BMPR2: variants seen among roughly 807,000 people sequenced by gnomAD.
BMPR2 encodes bone morphogenetic protein receptor type 2, also known as bone morphogenetic protein receptor type-2.
In BMPR2, 29 loss-of-function variants were observed where a neutral mutation model predicts 100.8. That is an observed-to-expected ratio of 0.29 (90% CI 0.21 to 0.39). BMPR2 has a LOEUF of 0.39. BMPR2 is among the 10% of genes least tolerant of loss of function. The pLI, the probability that BMPR2 is intolerant of heterozygous loss-of-function variation, is 1.00. For missense variants in BMPR2, 1,011 were observed against 1,274.5 expected (o/e 0.79, Z 3.15); for synonymous variants, 382 against 442.3 (o/e 0.86, Z 1.71).
At chr2:202,522,152 C>A (rs1553509141) in intron 7 of BMPR2, among the ~76,000 whole-genome samples, 1 of 151,274 alleles carries the variant, frequency 6.6e-6, no homozygotes, top group Non-Finnish European at 1.5e-5. Context: ...GAGTGAGACC[C>A]TGTCTCAAAA....
At chr2:202,464,412 T>TAA (rs1692279373) in intron 1 of BMPR2, among the ~76,000 whole-genome samples, 1 of 152,170 alleles carries the variant, frequency 6.6e-6, no homozygotes. Context: ...CTATAAAATA[T>TAA]GATAAAAGTA....
chr2:202,538,809 A>T (rs1688213795), intron 9 of BMPR2, among the ~76,000 whole-genome samples: 1 of 151,894 alleles, frequency 6.6e-6, no homozygotes, highest in Admixed American at 6.6e-5. Context: ...AAAAAAAAAA[A>T]AAAAAAGTGA....
chr2:202,399,154 A>G (rs1385132909), intron 1 of BMPR2, among the ~76,000 whole-genome samples: 1 of 152,166 alleles, frequency 6.6e-6, no homozygotes, highest in Non-Finnish European at 1.5e-5. Flanking sequence ...CAGATCATAA[A>G]TAAGTAGATA....
rs531923739 is a variant in BMPR2 at position 202,531,307 on chromosome 2, A to G, written c.1128+353A>G. ...GACAGAGTGAGTGAGACTCAGGACA[A>G]TTATCCTCATATACTGCCAATTATA... On this transcript the variant is annotated intron_variant, in intron 8 of 12. Coordinates refer to ENST00000374580, the MANE Select transcript of BMPR2 (RefSeq NM_001204.7). Among the ~76,000 whole-genome samples the G allele has an allele frequency of 9.0e-4, 137 of 152,334 alleles. 1 individual carries two copies. The highest frequency in any genetic ancestry group is 3.1e-3 in the African/African-American group (129 of 41,578).
At chr2:202,451,117 GA>G (rs1691969865) in intron 1 of BMPR2, among the ~76,000 whole-genome samples, 1 of 152,096 alleles carries the variant, frequency 6.6e-6, no homozygotes. Flanking sequence ...TACAACTACT[GA>G]AAAATGGGTG....
intron 2 of BMPR2, among the ~76,000 whole-genome samples, chr2:202,466,811 A>G (rs13427584): frequency 6.8e-6 from 1 of 146,146 alleles, no homozygotes; most frequent in African/African-American, 2.5e-5. Context: ...TTGCCCAGGC[A>G]GGTCTCAAAT....
At position 202,503,381 on chromosome 2, in the gene BMPR2, A is replaced by G. The variant is rs1687444298; in HGVS notation, c.419-10338A>G. ...TCCCTCAGCTTGCAGGGAGGTGTGG[A>G]GGGAGAGGCGCAAGCAGGAACCGGG... is the stretch of plus-strand genomic sequence containing the variant. On this transcript the variant is annotated intron_variant, in intron 3 of 12. Coordinates refer to ENST00000374580, the MANE Select transcript of BMPR2 (RefSeq NM_001204.7). The surrounding 1 kb of genome is among the most constrained non-coding windows in gnomAD (Gnocchi z 4.0). Among the ~76,000 whole-genome samples, 2 of 152,176 alleles carry G rather than the reference A, an allele frequency of 1.3e-5. No individual in the cohort carries two copies. Among genetic ancestry groups the G allele is most frequent in the Non-Finnish European group, 1.5e-5 (1 of 68,014 alleles).
intron 1 of BMPR2, among the ~76,000 whole-genome samples, chr2:202,462,853 A>T (rs1410790841): frequency 6.6e-6 from 1 of 152,040 alleles, no homozygotes; most frequent in Non-Finnish European, 1.5e-5. Flanking sequence ...CTGGGATTAC[A>T]GGCGTACACC....
intron 1 of BMPR2, among the ~76,000 whole-genome samples, chr2:202,464,415 TAAAAG>T (rs988345001): frequency 1.6e-4 from 24 of 152,190 alleles, no homozygotes; most frequent in Admixed American, 3.3e-4. Flanking sequence ...TAAAATATGA[TAAAAG>T]TAAGTACTAT....
intron 3 of BMPR2, among the ~76,000 whole-genome samples, chr2:202,482,451 G>A (rs1416008002): frequency 6.6e-6 from 1 of 152,066 alleles, no homozygotes; most frequent in African/African-American, 2.4e-5. Context: ...ATAGCTCACT[G>A]TAACCTTGAA....
chr2:202,432,545 G>A (rs565811140), intron 1 of BMPR2, among the ~76,000 whole-genome samples: 18 of 150,318 alleles, frequency 1.2e-4, no homozygotes, highest in African/African-American at 3.8e-4. Context: ...GAATCATCTG[G>A]CACAAAATGC....
At chr2:202,440,792 CGGGGAGACCGGGGAGACT>C (rs1404047187) in intron 1 of BMPR2, among the ~76,000 whole-genome samples, 2 of 150,086 alleles carry the variant, frequency 1.3e-5, no homozygotes, top group Non-Finnish European at 2.9e-5. Context: ...CCGGGGAGAC[CGGGGAGACCGGGGAGACT>C]GGGGAGAGGG....
chr2:202,467,735 AT>A (rs1169010429), intron 3 of BMPR2, 46 bp downstream of exon 3: 10 of 1,554,648 alleles, frequency 6.4e-6, no homozygotes, highest in Non-Finnish European at 8.9e-6. Context: ...TTCTCCAAAG[AT>A]TTGCAAAATA....
intron 1 of BMPR2, among the ~76,000 whole-genome samples, chr2:202,388,645 G>A (rs1472237728): frequency 6.6e-6 from 1 of 151,618 alleles, no homozygotes; most frequent in African/African-American, 2.4e-5. Context: ...AGAATTAGTT[G>A]GGCATGGTGG....
chr2:202,446,176 G>A (rs1459558207), intron 1 of BMPR2, among the ~76,000 whole-genome samples: 5 of 150,466 alleles, frequency 3.3e-5, no homozygotes, highest in African/African-American at 1.0e-4. Context: ...TGAGGTGGGC[G>A]GATCCCCTGA....
intron 10 of BMPR2, among the ~76,000 whole-genome samples, chr2:202,548,633 C>CTGG (rs1688417981): frequency 6.6e-6 from 1 of 152,040 alleles, no homozygotes; most frequent in Admixed American, 6.6e-5. Context: ...ATCCAACTTA[C>CTGG]GTTTTCCTTC....
In BMPR2 at chr2:202,556,485, T is replaced by C; in HGVS notation, c.2820T>C (p.Ser940=). 10 of 1,614,012 alleles carry C rather than the reference T, an allele frequency of 6.2e-6. No homozygotes were observed. The highest frequency in any genetic ancestry group is 8.5e-6 in the Non-Finnish European group (10 of 1,180,038). ...SKPRRAQRPN[S]LDLSATNVLD... ...CCAGAAGAGCACAGAGGCCTAATTC[T>C]CTGGATCTTTCAGCCACAAATGTCC... The change falls in exon 12 of 13, where the codon TCT becomes TCC. Residue 940 remains serine (S), a synonymous_variant. Coordinates refer to ENST00000374580, the MANE Select transcript of BMPR2 (RefSeq NM_001204.7).
At position 202,552,709 on chromosome 2, in the gene BMPR2, C is replaced by T; in HGVS notation, c.1414-7C>T. 6.2e-7 allele frequency: 1 copy of T among 1,613,710 alleles called. No homozygotes were observed. Among genetic ancestry groups the T allele is most frequent in the Non-Finnish European group, 8.5e-7 (1 of 1,179,844 alleles). Reference sequence around the variant, plus strand: ...ACACATGGTTTGACATGTACTTTGTCTTACAGGCAGTGAGGTCACTCAAGG... The same window carrying T: ...ACACATGGTTTGACATGTACTTTGTTTTACAGGCAGTGAGGTCACTCAAGG... On this transcript the variant is annotated splice_polypyrimidine_tract_variant and splice_region_variant and intron_variant, in intron 10 of 12. Coordinates refer to ENST00000374580, the MANE Select transcript of BMPR2 (RefSeq NM_001204.7).
chr2:202,397,779 C>T (rs1001104441), intron 1 of BMPR2, among the ~76,000 whole-genome samples: 20 of 151,082 alleles, frequency 1.3e-4, no homozygotes, highest in African/African-American at 4.6e-4. Flanking sequence ...GGATTATAGA[C>T]GTGAGCCACC....
Sources: allele counts gnomAD v4.1 joint callset (sites outside exome capture counted in the v4.1 genomes callset), GRCh38; gene constraint gnomAD v4.1.1; non-coding constraint Gnocchi (gnomAD v3.1); transcripts MANE v1.5; gene names NCBI Gene and HGNC (gene_info 2026-07-23, HGNC 2026-07-21).